The following WDFY2 variants were observed in gnomAD, a reference collection of about 807,000 sequenced individuals.
WDFY2 encodes WD repeat and FYVE domain containing 2.
Under a neutral mutation model 56.4 loss-of-function variants are expected in WDFY2, and 36 were observed. The observed-to-expected ratio is 0.64, with a 90% CI of 0.49 to 0.84. The LOEUF is 0.84. WDFY2 is among the 40% of genes least tolerant of loss of function. WDFY2 has a pLI of 0.00. For missense variants in WDFY2, 444 were observed against 512.2 expected (o/e 0.87, Z 1.29); for synonymous variants, 176 against 183.7 (o/e 0.96, Z 0.34).
intron 1 of WDFY2, among the ~76,000 whole-genome samples, chr13:51,634,748 C>T (rs976034648): frequency 1.3e-5 from 2 of 151,656 alleles, no homozygotes; most frequent in African/African-American, 4.8e-5. Context: ...TATTCAGTAC[C>T]AGGAAAGAAC....
chr13:51,672,976 A>G (rs1199643299), intron 2 of WDFY2, among the ~76,000 whole-genome samples: 4 of 152,248 alleles, frequency 2.6e-5, no homozygotes, highest in Non-Finnish European at 5.9e-5. Flanking sequence ...CTTACTATGC[A>G]TAAAATGATT....
At chr13:51,659,527 T>C (rs577541576) in intron 1 of WDFY2, among the ~76,000 whole-genome samples, 1 of 152,350 alleles carries the variant, frequency 6.6e-6, no homozygotes, top group East Asian at 1.9e-4. Context: ...CCTACTTGTG[T>C]TTGCCTTGCT....
chr13:51,656,053 C>CTTT (rs545474478), intron 1 of WDFY2, among the ~76,000 whole-genome samples: 1 of 133,546 alleles, frequency 7.5e-6, no homozygotes, highest in Non-Finnish European at 1.6e-5. Flanking sequence ...CTATCTTTCC[C>CTTT]TTTTTTTTTT....
At chr13:51,658,298 A>T (rs1377304964) in intron 1 of WDFY2, among the ~76,000 whole-genome samples, 2 of 152,238 alleles carry the variant, frequency 1.3e-5, no homozygotes, top group Non-Finnish European at 2.9e-5. Context: ...AGGATAAAAA[A>T]GTTTCTGTCT....
chr13:51,681,668 CAT>C (rs1955978599), intron 3 of WDFY2, among the ~76,000 whole-genome samples: 1 of 152,052 alleles, frequency 6.6e-6, no homozygotes, highest in African/African-American at 2.4e-5. Flanking sequence ...TGAATTTAAA[CAT>C]ATATATTACA....
At chr13:51,629,748 G>A (rs997083857) in intron 1 of WDFY2, among the ~76,000 whole-genome samples, 2 of 151,530 alleles carry the variant, frequency 1.3e-5, no homozygotes, top group African/African-American at 4.8e-5. Context: ...TGGCCAAGGG[G>A]TGATTGAGGC....
intron 7 of WDFY2, among the ~76,000 whole-genome samples, chr13:51,741,771 A>C (rs932330721): frequency 1.3e-5 from 2 of 152,234 alleles, no homozygotes; most frequent in African/African-American, 4.8e-5. Context: ...TGAGGTATTC[A>C]ATATTAATAT....
intron 4 of WDFY2, among the ~76,000 whole-genome samples, chr13:51,712,389 A>G (rs1160313288): frequency 1.3e-5 from 2 of 152,184 alleles, no homozygotes; most frequent in Non-Finnish European, 1.5e-5. Flanking sequence ...ACAAGTATAC[A>G]TATGTAACAA....
chr13:51,599,792 G>A (rs767376804), intron 1 of WDFY2, among the ~76,000 whole-genome samples: 13 of 151,692 alleles, frequency 8.6e-5, no homozygotes, highest in Non-Finnish European at 2.9e-5. Flanking sequence ...AGTGACAATT[G>A]AAACAAGGTT....
intron 1 of WDFY2, chr13:51,589,141 A>T (rs975550870): frequency 6.6e-6 from 1 of 152,232 alleles, no homozygotes. Flanking sequence ...CAAAGGAGAT[A>T]TGCATTATAT....
At chr13:51,696,182 A>G (rs1340081244) in intron 3 of WDFY2, among the ~76,000 whole-genome samples, 1 of 152,154 alleles carries the variant, frequency 6.6e-6, no homozygotes, top group Non-Finnish European at 1.5e-5. Flanking sequence ...TGCTGCACCC[A>G]CTATCCTGCA....
rs942478261 is a variant in WDFY2, at chr13:51,765,647, G to A, written c.*5878G>A. 1 of 152,184 alleles carries A rather than the reference G, an allele frequency of 6.6e-6. No individual in the cohort carries two copies. The highest frequency in any genetic ancestry group is 1.9e-4 in the East Asian group (1 of 5,200). The allele number at this position is 152,184 out of a possible 1,614,324, so 9.4% of individuals were successfully genotyped here. A position where few individuals can be genotyped will look rare whatever the true frequency, so the allele number is the denominator to read the frequency against. On this transcript the variant is annotated 3_prime_UTR_variant, in exon 12 of 12. Transcript: ENST00000298125. ...ATATTGCTGGCTTCCCTTGGATAAC[G>A]GAGAGCCTATCACCACATGCCTTTG...
intron 1 of WDFY2, among the ~76,000 whole-genome samples, chr13:51,644,983 A>G (rs1955238063): frequency 1.3e-5 from 2 of 152,196 alleles, no homozygotes; most frequent in South Asian, 4.1e-4. Flanking sequence ...GTTATTTACT[A>G]TATGTGGTTG....
intron 2 of WDFY2, among the ~76,000 whole-genome samples, chr13:51,665,383 G>A (rs1201693876): frequency 2.6e-5 from 4 of 152,180 alleles, no homozygotes; most frequent in African/African-American, 9.7e-5. Context: ...GGAAGTTTCA[G>A]TTACAGCCAT....
intron 8 of WDFY2, 111 bp downstream of exon 8, chr13:51,751,526 A>G (rs780794660): frequency 9.5e-7 from 1 of 1,052,196 alleles, no homozygotes; most frequent in Non-Finnish European, 1.4e-6. Flanking sequence ...ATGTAACGTT[A>G]AAGAATTGTA....
chr13:51,706,776 A>G (rs1952091078), intron 4 of WDFY2, among the ~76,000 whole-genome samples: 1 of 152,218 alleles, frequency 6.6e-6, no homozygotes, highest in South Asian at 2.1e-4. Flanking sequence ...AGGCCCTACA[A>G]CAAAAACAAG....
At position 51,759,976 on chromosome 13, in the gene WDFY2, A is replaced by C. The variant is rs565323333; in HGVS notation, c.*207A>C. The C allele has an allele frequency of 5.9e-6, 3 of 509,504 alleles. No homozygotes were observed. In the South Asian group the frequency reaches 1.2e-4, roughly 20 times the overall value. 31.6% of individuals were successfully genotyped at this position (509,504 alleles called of 1,614,324 possible). A position where few individuals can be genotyped will look rare whatever the true frequency, so the allele number is the denominator to read the frequency against. The stretch of plus-strand genomic sequence containing the variant: ...CTCTTCCAACTTGTTCATACAATAT[A>C]AAAGAAGCTATTTTTTTAACAAATG... On this transcript the variant is annotated 3_prime_UTR_variant, in exon 12 of 12. Coordinates refer to ENST00000298125, the MANE Select transcript of WDFY2 (RefSeq NM_052950.4).
intron 3 of WDFY2, among the ~76,000 whole-genome samples, chr13:51,697,632 C>CAA (rs200946257): frequency 3.7e-5 from 3 of 80,122 alleles, no homozygotes; most frequent in Non-Finnish European, 5.2e-5. Flanking sequence ...GATCCTGCCT[C>CAA]AAAAAAAAAA....
At chr13:51,675,064 G>T in intron 2 of WDFY2, 106 bp from the exon 3 acceptor site, 1 of 923,230 alleles carries the variant, frequency 1.1e-6, no homozygotes, top group Non-Finnish European at 1.7e-6. Context: ...TGTTTTCCAG[G>T]AGATAGTGGG....
Sources: gnomAD v4.1 joint callset for allele counts (sites outside exome capture counted in the v4.1 genomes callset) on GRCh38, gnomAD v4.1.1 for gene constraint, MANE v1.5 for transcripts, NCBI Gene and HGNC (gene_info 2026-07-23, HGNC 2026-07-21) for gene names.